Variants in SEMA3D observed in about 807,000 individuals in gnomAD.
The protein encoded by SEMA3D is semaphorin-3D.
In SEMA3D, 84 loss-of-function variants were observed where a neutral mutation model predicts 100.1. The observed-to-expected ratio is 0.84, with a 90% CI of 0.70 to 1.01. SEMA3D has a LOEUF of 1.01. SEMA3D is among the 50% of genes least tolerant of loss of function. The pLI, the probability that SEMA3D is intolerant of heterozygous loss-of-function variation, is 0.00. For missense variants in SEMA3D, 875 were observed against 934.1 expected (o/e 0.94, Z 0.82); for synonymous variants, 312 against 320.7 (o/e 0.97, Z 0.29).
intron 5 of SEMA3D, among the ~76,000 whole-genome samples, chr7:85,079,242 A>C (rs2116223287): frequency 6.6e-6 from 1 of 152,320 alleles, no homozygotes; most frequent in East Asian, 1.9e-4. Context: ...AATCATTGAA[A>C]ACAGTTCCTT....
intron 2 of SEMA3D, chr7:85,141,910 A>G (rs1211962905): frequency 2.0e-6 from 2 of 977,738 alleles, no homozygotes; most frequent in Non-Finnish European, 2.4e-6. Context: ...ATTTCTCAGT[A>G]TTAATTTATG....
upstream of SEMA3D, among the ~76,000 whole-genome samples, chr7:85,191,580 G>C (rs1006550073): frequency 2.6e-5 from 4 of 152,054 alleles, no homozygotes; most frequent in African/African-American, 9.7e-5. Context: ...ATGCCCTCTT[G>C]TGGCTTATTT....
the SEMA3D span, among the ~76,000 whole-genome samples, chr7:85,231,671 C>T: frequency 2.6e-5 from 4 of 151,980 alleles, no homozygotes; most frequent in African/African-American, 4.8e-5. Flanking sequence ...AGGATGGTCT[C>T]GATCTCCTGA....
In SEMA3D at chr7:85,018,281, T is replaced by C. The variant is rs767072583; in HGVS notation, c.1516A>G (p.Ile506Val). 6.3e-6 allele frequency: 10 copies of C among 1,593,840 alleles called. No homozygotes were observed. The East Asian group carries it at 1.1e-4, about 18-fold the overall frequency. ...ELQIFKHSSI[I>V]LNMELSLKQQ... Reference sequence around the variant, plus strand: ...TTCAGAGACAATTCCATGTTCAAGATGATTGATGAGTGCTGAAAATAGAAG... The same window carrying C: ...TTCAGAGACAATTCCATGTTCAAGACGATTGATGAGTGCTGAAAATAGAAG... Residue 506 changes from isoleucine (I) to valine (V), a missense_variant, in exon 15 of 19, where the codon ATC becomes GTC. Ile to Val is a conservative substitution (Grantham distance 29). Coordinates refer to ENST00000284136, the MANE Select transcript of SEMA3D (RefSeq NM_001384900.1).
intron 7 of SEMA3D, among the ~76,000 whole-genome samples, chr7:85,067,530 G>C (rs1791660717): frequency 7.2e-6 from 1 of 139,590 alleles, no homozygotes; most frequent in South Asian, 2.1e-4. Context: ...AATAGAAAGA[G>C]ACTGAAGTCA....
chr7:85,184,048 T>C (rs966050810), intron 1 of SEMA3D, among the ~76,000 whole-genome samples: 1 of 152,198 alleles, frequency 6.6e-6, no homozygotes, highest in Non-Finnish European at 1.5e-5. Flanking sequence ...AAATGAAACC[T>C]GTAGGTATGA....
At chr7:85,081,465 T>G in intron 5 of SEMA3D, 52 bp downstream of exon 5, 1 of 1,162,912 alleles carries the variant, frequency 8.6e-7, no homozygotes, top group Admixed American at 1.7e-5. Flanking sequence ...AAATATTTGC[T>G]ATCATATCAG....
intron 12 of SEMA3D, among the ~76,000 whole-genome samples, chr7:85,035,917 C>T (rs1790680477): frequency 6.6e-6 from 1 of 151,948 alleles, no homozygotes; most frequent in Admixed American, 6.6e-5. Flanking sequence ...GGTTGTATAG[C>T]ATACTTCCCA....
rs371419743 is a variant in SEMA3D at position 85,024,127 on chromosome 7, C to T, written c.1192-1514G>A. On this transcript the variant is annotated intron_variant, in intron 12 of 18. Coordinates refer to ENST00000284136, the MANE Select transcript of SEMA3D (RefSeq NM_001384900.1). ...ATCCGTCAACTCAATAATGGAAGAA[C>T]CTTGCATTAAATAGATTAAGCAGGG... Among the ~76,000 whole-genome samples, 6 of 151,898 alleles carry T rather than the reference C, an allele frequency of 4.0e-5. No homozygotes were observed. In the South Asian group the frequency reaches 8.3e-4, roughly 21 times the overall value.
At chr7:85,042,382 A>T in intron 9 of SEMA3D, 97 bp from the exon 10 acceptor site, 2 of 821,646 alleles carry the variant, frequency 2.4e-6, no homozygotes, top group Non-Finnish European at 4.1e-6. Context: ...TATTGATGTC[A>T]TTGTTTACAA....
At chr7:85,236,281 T>A in the SEMA3D span, among the ~76,000 whole-genome samples, 9 of 131,976 alleles carry the variant, frequency 6.8e-5, no homozygotes, top group Admixed American at 1.5e-4. Flanking sequence ...TTTTATTTTA[T>A]TTTATTTATT....
At chr7:85,202,209 TC>T in the SEMA3D span, among the ~76,000 whole-genome samples, 1 of 71,540 alleles carries the variant, frequency 1.4e-5, no homozygotes, top group Admixed American at 2.3e-4. Flanking sequence ...CCCTCCCCCC[TC>T]CCCCCACCCC....
rs554697092 is a variant in SEMA3D at position 85,102,816 on chromosome 7, T to C, written c.152-4851A>G. Among the ~76,000 whole-genome samples, 3 of 152,110 alleles carry C rather than the reference T, an allele frequency of 2.0e-5. No individual in the cohort carries two copies. In the South Asian group the frequency reaches 6.2e-4, roughly 32 times the overall value. On this transcript the variant is annotated intron_variant, in intron 3 of 18. Transcript: ENST00000284136. ...TTACTTACACAGTGAGAAAAATAAA[T>C]ATAAAGTTGATATAGCCACTTGCTT...
intron 9 of SEMA3D, among the ~76,000 whole-genome samples, chr7:85,055,495 T>C (rs1297749641): frequency 6.6e-6 from 1 of 151,496 alleles, no homozygotes; most frequent in East Asian, 1.9e-4. Context: ...CTTTCCTTTT[T>C]CTTTCTTTTC....
intron 2 of SEMA3D, among the ~76,000 whole-genome samples, chr7:85,127,457 G>GA (rs1789598519): frequency 6.6e-6 from 1 of 152,032 alleles, no homozygotes; most frequent in Non-Finnish European, 1.5e-5. Context: ...GAATTCAACA[G>GA]AAAATAATAC....
intron 5 of SEMA3D, among the ~76,000 whole-genome samples, chr7:85,074,298 T>A (rs1254364226): frequency 6.6e-6 from 1 of 152,128 alleles, no homozygotes; most frequent in Non-Finnish European, 1.5e-5. Flanking sequence ...GACCTAATGG[T>A]CCACTGTTGC....
intron 5 of SEMA3D, among the ~76,000 whole-genome samples, chr7:85,077,020 C>A (rs779002172): frequency 6.6e-6 from 1 of 150,940 alleles, no homozygotes. Flanking sequence ...GCAGGAGAAT[C>A]GCTTGAACCC....
chr7:85,068,284 C>T lies in SEMA3D; in HGVS notation c.496G>A (p.Asp166Asn), dbSNP rs755537599. ...GYIDLGVYKE[D>N]IIFKLDTHNL... ...TGTGTGTCTAGTTTGAATATAATAT[C>T]CTGTTATGAGAAATATTAACACTAG... is the stretch of plus-strand genomic sequence containing the variant. Residue 166 changes from aspartate (D) to asparagine (N), a missense_variant and splice_region_variant, in exon 7 of 19, where the codon GAT (aspartate) becomes AAT (asparagine). By Grantham distance (23) the Asp-to-Asn change is conservative. Coordinates refer to ENST00000284136, the MANE Select transcript of SEMA3D (RefSeq NM_001384900.1). 2.6e-6 allele frequency: 4 copies of T among 1,526,922 alleles called. No individual in the cohort carries two copies. The highest frequency in any genetic ancestry group is 3.6e-6 in the Non-Finnish European group (4 of 1,101,226). 94.6% of individuals were successfully genotyped at this position (1,526,922 alleles called of 1,614,324 possible).
chr7:85,224,107 T>A, the SEMA3D span, among the ~76,000 whole-genome samples: 1 of 152,170 alleles, frequency 6.6e-6, no homozygotes, highest in Non-Finnish European at 1.5e-5. Context: ...AACTTCTTGA[T>A]AACACTTTAT....
Sources: allele counts gnomAD v4.1 joint callset (sites outside exome capture counted in the v4.1 genomes callset), GRCh38; gene constraint gnomAD v4.1.1; transcripts MANE v1.5; gene names NCBI Gene and HGNC (gene_info 2026-07-23, HGNC 2026-07-21).